Variants in DNAJC1 observed in about 807,000 individuals in gnomAD.
DNAJC1 encodes DnaJ heat shock protein family (Hsp40) member C1.
Under a neutral mutation model 76.6 loss-of-function variants are expected in DNAJC1, and 58 were observed. The observed-to-expected ratio is 0.76, with a 90% confidence interval of 0.61 to 0.94. The LOEUF (loss-of-function observed/expected upper bound fraction) is 0.94. DNAJC1 is among the 40% of genes least tolerant of loss of function. The probability of loss-of-function intolerance (pLI) is 0.00; values close to 1 mark genes in which losing one functional copy is unlikely to be tolerated. For missense variants in DNAJC1, 689 were observed against 677.3 expected, an observed-to-expected ratio of 1.02 and a Z score of -0.19; for synonymous variants, 258 against 267.9, an observed-to-expected ratio of 0.96 and a Z score of 0.36.
At chr10:21,993,874 C>CT (rs200944723) in intron 1 of DNAJC1, among the ~76,000 whole-genome samples, 151 of 151,326 alleles carry the variant, frequency 1.0e-3, no homozygotes, top group African/African-American at 2.9e-3. Context: ...ATTAAGATCA[C>CT]TTTTTTTTTA....
At chr10:21,855,624 T>C (rs1289279503) in intron 8 of DNAJC1, among the ~76,000 whole-genome samples, 1 of 152,154 alleles carries the variant, frequency 6.6e-6, no homozygotes, top group Non-Finnish European at 1.5e-5. Context: ...GATTGAGACT[T>C]ACCACTGGAG....
chr10:21,903,135 G>T (rs1462717463), intron 7 of DNAJC1, among the ~76,000 whole-genome samples: 1 of 151,798 alleles, frequency 6.6e-6, no homozygotes, highest in African/African-American at 2.4e-5. Context: ...ATGTTGGCTA[G>T]GCTGGTCTCC....
intron 8 of DNAJC1, among the ~76,000 whole-genome samples, chr10:21,834,860 C>G (rs1424403156): frequency 6.6e-6 from 1 of 152,244 alleles, no homozygotes; most frequent in African/African-American, 2.4e-5. Flanking sequence ...CACCACAGCT[C>G]AAGGACGCCT....
Position 21,759,529 on chromosome 10 carries a change from G to A in DNAJC1, c.1237C>T (p.Gln413Ter). 6.2e-7 allele frequency: 1 copy of A among 1,614,156 alleles called. No homozygotes were observed. Among genetic ancestry groups the A allele is most frequent in the Non-Finnish European group, 8.5e-7 (1 of 1,180,028 alleles). Reference protein sequence around the residue: ...ATTLPDDMITQREDAEGVAAE... With the variant: ...ATTLPDDMIT The stretch of plus-strand genomic sequence containing the variant: ...GCCACCCCCTCTGCGTCCTCTCGCT[G>A]GGTGATCATGTCATCGGGCAAGGTG... The change falls in exon 11 of 12, where the codon CAG (glutamine) becomes TAG (stop). Residue 413 changes from glutamine to a stop codon, truncating the protein, a stop_gained. Coordinates refer to ENST00000376980, the MANE Select transcript of DNAJC1 (RefSeq NM_022365.4). LOFTEE classifies it high-confidence loss of function.
chr10:21,789,423 T>C (rs1279865233), intron 9 of DNAJC1, among the ~76,000 whole-genome samples: 2 of 152,178 alleles, frequency 1.3e-5, no homozygotes, highest in Admixed American at 1.3e-4. Flanking sequence ...GAAGAGGCTA[T>C]TGTTTCACAG....
intron 8 of DNAJC1, among the ~76,000 whole-genome samples, chr10:21,879,271 A>G (rs1836233817): frequency 6.6e-6 from 1 of 152,194 alleles, no homozygotes; most frequent in Non-Finnish European, 1.5e-5. Context: ...CTACCACAAT[A>G]AAGTTAATAT....
intron 1 of DNAJC1, among the ~76,000 whole-genome samples, chr10:21,937,926 C>A (rs1389589169): frequency 6.6e-6 from 1 of 152,132 alleles, no homozygotes; most frequent in Non-Finnish European, 1.5e-5. Flanking sequence ...ATTATGTTGT[C>A]TCTAAGATAA....
At chr10:21,774,370 G>A (rs1370113185) in intron 9 of DNAJC1, among the ~76,000 whole-genome samples, 3 of 152,116 alleles carry the variant, frequency 2.0e-5, no homozygotes, top group African/African-American at 7.2e-5. Flanking sequence ...ACAAATACAC[G>A]TGACCTCAGA....
chr10:21,956,897 ATTT>A (rs772137685), intron 1 of DNAJC1, among the ~76,000 whole-genome samples: 1 of 134,698 alleles, frequency 7.4e-6, no homozygotes, highest in Non-Finnish European at 1.6e-5. Context: ...TTATTTCTAG[ATTT>A]TTTTTTTTTT....
chr10:21,854,373 G>C (rs1034911711), intron 8 of DNAJC1, among the ~76,000 whole-genome samples: 67 of 142,942 alleles, frequency 4.7e-4, no homozygotes, highest in Non-Finnish European at 8.4e-4. Flanking sequence ...AAAAAAAACT[G>C]TTTCTCCATA....
chr10:21,793,647 A>G (rs1378555366), intron 9 of DNAJC1, among the ~76,000 whole-genome samples: 2 of 152,238 alleles, frequency 1.3e-5, no homozygotes, highest in Non-Finnish European at 2.9e-5. Flanking sequence ...TGAAAGTGTA[A>G]TTAAGAAAAC....
At chr10:21,916,108 T>C (rs970511035) in intron 6 of DNAJC1, among the ~76,000 whole-genome samples, 2 of 152,228 alleles carry the variant, frequency 1.3e-5, no homozygotes, top group African/African-American at 4.8e-5. Flanking sequence ...CACAAGACTC[T>C]AGTTTGACTC....
intron 10 of DNAJC1, among the ~76,000 whole-genome samples, chr10:21,764,988 C>G (rs1190580402): frequency 6.6e-6 from 1 of 152,196 alleles, no homozygotes; most frequent in Non-Finnish European, 1.5e-5. Context: ...CTTCATACTT[C>G]TGACCCCCCT....
At chr10:21,802,056 A>C (rs1011180283) in intron 9 of DNAJC1, among the ~76,000 whole-genome samples, 5 of 152,142 alleles carry the variant, frequency 3.3e-5, no homozygotes, top group Admixed American at 1.3e-4. Flanking sequence ...GGGTGATGAA[A>C]TAATCTGTAC....
chr10:21,998,007 A>G (rs1283488655), intron 1 of DNAJC1, among the ~76,000 whole-genome samples: 1 of 152,156 alleles, frequency 6.6e-6, no homozygotes, highest in Admixed American at 6.5e-5. Flanking sequence ...CAATTCACAG[A>G]TTTTTTTAAA....
chr10:21,998,542 T>G (rs1590086596), intron 1 of DNAJC1, among the ~76,000 whole-genome samples: 1 of 152,246 alleles, frequency 6.6e-6, no homozygotes, highest in East Asian at 1.9e-4. Flanking sequence ...ATAGCACATC[T>G]TTTTTCCTAC....
At chr10:21,881,936 T>C (rs986642350) in intron 8 of DNAJC1, among the ~76,000 whole-genome samples, 2 of 148,522 alleles carry the variant, frequency 1.3e-5, no homozygotes, top group Non-Finnish European at 3.0e-5. Context: ...GGGCAGATCA[T>C]GAGGTCAGAA....
At chr10:21,948,380 A>T (rs1408347416) in intron 1 of DNAJC1, among the ~76,000 whole-genome samples, 1 of 152,242 alleles carries the variant, frequency 6.6e-6, no homozygotes, top group African/African-American at 2.4e-5. Context: ...AAGTAAATAA[A>T]ATGTTGAATC....
rs1835796282 is a variant in DNAJC1 at position 21,854,177 on chromosome 10, G to GT, written c.978+28104dup. ...AGAGAAGAGAAATATAAGTCACCAGGTAATTATAATATAAGAATTATATCT... is the reference window on the plus strand; with the variant it reads ...AGAGAAGAGAAATATAAGTCACCAGGTTAATTATAATATAAGAATTATATCT... On this transcript the variant is annotated intron_variant, in intron 8 of 11. Transcript: ENST00000376980. 7.2e-5 allele frequency among the ~76,000 whole-genome samples: 11 copies of GT among 151,990 alleles called. No individual in the cohort carries two copies. The South Asian group carries it at 2.3e-3, about 32-fold the overall frequency.
Sources: allele counts gnomAD v4.1 joint callset (sites outside exome capture counted in the v4.1 genomes callset), GRCh38; gene constraint gnomAD v4.1.1; transcripts MANE v1.5; gene names NCBI Gene and HGNC (gene_info 2026-07-23, HGNC 2026-07-21).